The following ANKS1B variants were observed in gnomAD, a reference collection of about 807,000 sequenced individuals.
The protein encoded by ANKS1B is ankyrin repeat and sterile alpha motif domain containing 1B, also known as ankyrin repeat and sterile alpha motif domain-containing protein 1B.
In ANKS1B, 36 loss-of-function variants were observed where a neutral mutation model predicts 148.3. The ratio of observed to expected loss-of-function variants is 0.24; its 90% CI spans 0.19 to 0.32. The LOEUF is 0.32. ANKS1B is among the 10% of genes least tolerant of loss of function. The pLI is 1.00. For synonymous variants in ANKS1B, 542 were observed against 560.8 expected (o/e 0.97, Z 0.47); for missense variants, 1,157 against 1,542.6 (o/e 0.75, Z 4.19).
At position 99,946,608 on chromosome 12, in the gene ANKS1B, G is replaced by A. The variant is rs550950586; in HGVS notation, c.134+37496C>T. On this transcript the variant is annotated intron_variant, in intron 1 of 26. Coordinates refer to ENST00000683438, the MANE Select transcript of ANKS1B (RefSeq NM_001352186.2). The stretch of plus-strand genomic sequence containing the variant: ...TCAGGGCTTCAATATATGAAATTTT[G>A]GGCAATGGATATGATTCCATCTATA... Among the ~76,000 whole-genome samples, 9 of 152,200 alleles carry A rather than the reference G, an allele frequency of 5.9e-5. No homozygotes were observed. In the South Asian group the frequency reaches 1.9e-3, roughly 32 times the overall value.
intron 17 of ANKS1B, among the ~76,000 whole-genome samples, chr12:98,915,776 A>C (rs1408973067): frequency 1.3e-5 from 2 of 152,236 alleles, no homozygotes; most frequent in African/African-American, 4.8e-5. Context: ...AAGTGAATTA[A>C]TCCTTTCAAT....
intron 1 of ANKS1B, among the ~76,000 whole-genome samples, chr12:99,932,193 C>CA (rs976620521): frequency 1.8e-4 from 27 of 152,100 alleles, no homozygotes; most frequent in African/African-American, 6.3e-4. Context: ...AGGTTGATTC[C>CA]AAATTTTGGC....
intron 13 of ANKS1B, 38 bp from the exon 14 acceptor site, chr12:99,244,452 T>C (rs1458717403): frequency 2.2e-6 from 3 of 1,356,692 alleles, no homozygotes; most frequent in Non-Finnish European, 3.1e-6. Context: ...GATTGTTACA[T>C]TCACTTTTAA....
chr12:99,570,019 TCC>T (rs982328144), intron 9 of ANKS1B, among the ~76,000 whole-genome samples: 18 of 152,062 alleles, frequency 1.2e-4, no homozygotes, highest in African/African-American at 3.1e-4. Context: ...CACCAACCAC[TCC>T]CCACAAGGGC....
intron 17 of ANKS1B, among the ~76,000 whole-genome samples, chr12:98,856,142 T>C (rs73380479): frequency 0.065 from 9,937 of 152,326 alleles, 1,027 homozygotes; most frequent in African/African-American, 0.22. Flanking sequence ...GTGAGGTGCA[T>C]ATATCAGTGG....
intron 8 of ANKS1B, among the ~76,000 whole-genome samples, chr12:99,685,976 C>T (rs1044790683): frequency 1.3e-5 from 2 of 151,792 alleles, no homozygotes; most frequent in Admixed American, 6.6e-5. Flanking sequence ...TTGGGGACTC[C>T]AGGGTAAGGG....
At chr12:99,599,230 T>G (rs2097781453) in intron 9 of ANKS1B, among the ~76,000 whole-genome samples, 1 of 152,102 alleles carries the variant, frequency 6.6e-6, no homozygotes, top group African/African-American at 2.4e-5. Context: ...GAATTACATC[T>G]GATTTCTTTG....
intron 12 of ANKS1B, among the ~76,000 whole-genome samples, chr12:99,286,189 G>A (rs552201276): frequency 7.9e-5 from 12 of 151,648 alleles, no homozygotes; most frequent in East Asian, 3.9e-4. Flanking sequence ...GGAGGACTTC[G>A]TTTTTCAACT....
At chr12:99,894,915 A>G (rs1326652926) in intron 1 of ANKS1B, among the ~76,000 whole-genome samples, 7 of 150,796 alleles carry the variant, frequency 4.6e-5, no homozygotes, top group Non-Finnish European at 8.9e-5. Context: ...CTGAGCTACA[A>G]TAGTCAGTAG....
chr12:98,810,471 TCCTTCGAAGTA>T (rs1361848986), intron 19 of ANKS1B, among the ~76,000 whole-genome samples: 2 of 152,224 alleles, frequency 1.3e-5, no homozygotes, highest in African/African-American at 4.8e-5. Context: ...TAAGCCCTTT[TCCTTCGAAGTA>T]CCCGTCTCTG....
intron 8 of ANKS1B, among the ~76,000 whole-genome samples, chr12:99,746,862 A>G (rs1021388368): frequency 1.8e-4 from 28 of 152,226 alleles, no homozygotes; most frequent in African/African-American, 4.6e-4. Context: ...AGTACTATAC[A>G]TAACACATTC....
chr12:99,033,847 G>A (rs1395690459), intron 17 of ANKS1B, among the ~76,000 whole-genome samples: 6 of 152,196 alleles, frequency 3.9e-5, no homozygotes, highest in South Asian at 4.1e-4. Flanking sequence ...TCCCCCTTCC[G>A]CAGAGTAGAA....
chr12:99,429,735 G>A (rs554964725), intron 11 of ANKS1B, among the ~76,000 whole-genome samples: 62 of 152,170 alleles, frequency 4.1e-4, no homozygotes, highest in Middle Eastern at 3.4e-3. Flanking sequence ...AGGCCAAGGC[G>A]GGTGGATCAC....
At chr12:99,357,301 T>C (rs1259976234) in intron 12 of ANKS1B, among the ~76,000 whole-genome samples, 1 of 152,110 alleles carries the variant, frequency 6.6e-6, no homozygotes, top group Non-Finnish European at 1.5e-5. Context: ...TGGTTTGATT[T>C]CCCTTTTTTC....
intron 8 of ANKS1B, among the ~76,000 whole-genome samples, chr12:99,748,178 A>G (rs976821646): frequency 5.3e-5 from 8 of 152,064 alleles, no homozygotes; most frequent in Non-Finnish European, 2.9e-5. Context: ...GGGTGCCACA[A>G]ATTGCAACCC....
chr12:99,299,638 T>C (rs1211832163), intron 12 of ANKS1B, among the ~76,000 whole-genome samples: 1 of 152,200 alleles, frequency 6.6e-6, no homozygotes, highest in African/African-American at 2.4e-5. Context: ...CTTTCAATGA[T>C]CTAATTTTCA....
intron 9 of ANKS1B, among the ~76,000 whole-genome samples, chr12:99,642,509 C>T (rs1014090370): frequency 5.9e-5 from 9 of 152,120 alleles, no homozygotes; most frequent in African/African-American, 2.2e-4. Flanking sequence ...GGGCTGGTTA[C>T]TTCTGGAGGC....
At chr12:99,963,930 C>T (rs771006712) in intron 1 of ANKS1B, among the ~76,000 whole-genome samples, 26 of 152,168 alleles carry the variant, frequency 1.7e-4, no homozygotes, top group Non-Finnish European at 3.4e-4. Flanking sequence ...TCAACTTCTT[C>T]AGTGAATGAC....
At chr12:99,121,499 T>C (rs994321383) in intron 15 of ANKS1B, among the ~76,000 whole-genome samples, 5 of 152,166 alleles carry the variant, frequency 3.3e-5, no homozygotes, top group South Asian at 2.1e-4. Flanking sequence ...TATTTATTTC[T>C]GCATTAAAGG....
Sources: gnomAD v4.1 joint callset for allele counts (sites outside exome capture counted in the v4.1 genomes callset) on GRCh38, gnomAD v4.1.1 for gene constraint, MANE v1.5 for transcripts, NCBI Gene and HGNC (gene_info 2026-07-23, HGNC 2026-07-21) for gene names.